CENPC: variants seen among roughly 807,000 people sequenced by gnomAD.
CENPC encodes centromere protein C.
CENPC carries 63 observed loss-of-function variants against 112.1 expected under a neutral mutation model. The observed-to-expected ratio is 0.56, with a 90% CI of 0.46 to 0.69. The LOEUF (loss-of-function observed/expected upper bound fraction) is 0.69, where lower values mean the gene tolerates loss of function less well. Ranked by LOEUF, CENPC falls within the 30% of genes least tolerant of loss-of-function variation. The pLI, the probability that CENPC is intolerant of heterozygous loss-of-function variation, is 0.00. For synonymous variants in CENPC, 333 were observed against 367.6 expected (o/e 0.91, Z 1.08); for missense variants, 1,000 against 1,103.8 (o/e 0.91, Z 1.33).
intron 4 of CENPC, among the ~76,000 whole-genome samples, chr4:67,531,685 C>T (rs1387189477): frequency 1.3e-5 from 2 of 152,172 alleles, no homozygotes; most frequent in Non-Finnish European, 2.9e-5. Flanking sequence ...AATGTACACA[C>T]GTTACTGCAT....
intron 18 of CENPC, among the ~76,000 whole-genome samples, chr4:67,474,515 T>C (rs1420102504): frequency 2.0e-5 from 3 of 152,034 alleles, no homozygotes; most frequent in Non-Finnish European, 4.4e-5. Flanking sequence ...ACGGCTAACA[T>C]AGCAAAATCC....
In CENPC at chr4:67,506,998, G is replaced by A. The variant is rs896628425; in HGVS notation, c.1905-64C>T. The A allele has an allele frequency of 3.1e-5, 38 of 1,221,074 alleles. No homozygotes were observed. In the South Asian group the frequency reaches 4.1e-4, roughly 13 times the overall value. 75.6% of individuals were successfully genotyped at this position (1,221,074 alleles called of 1,614,324 possible). On this transcript the variant is annotated intron_variant, in intron 10 of 18. Transcript: ENST00000273853. ...CAAAATAAAATTTTCTTCCAGAAAC[G>A]ATACACAGGTGGGTACAAAGACAAT...
At chr4:67,497,901 CA>C (rs1172967966) in intron 12 of CENPC, among the ~76,000 whole-genome samples, 1 of 151,572 alleles carries the variant, frequency 6.6e-6, no homozygotes, top group Non-Finnish European at 1.5e-5. Context: ...AATCAGTGTA[CA>C]TATACCTTAA....
At chr4:67,507,176 T>C (rs1725759740) in intron 10 of CENPC, among the ~76,000 whole-genome samples, 1 of 151,974 alleles carries the variant, frequency 6.6e-6, no homozygotes, top group African/African-American at 2.4e-5. Context: ...CCAAGGAAGG[T>C]GGTGAAAGGG....
intron 15 of CENPC, chr4:67,492,655 T>C (rs1474692964): frequency 1.4e-6 from 1 of 739,014 alleles, no homozygotes. Context: ...AATTTACTCA[T>C]GAAGAAATTT....
At chr4:67,485,010 G>A (rs947747298) in intron 17 of CENPC, among the ~76,000 whole-genome samples, 6 of 152,160 alleles carry the variant, frequency 3.9e-5, no homozygotes, top group Admixed American at 2.0e-4. Flanking sequence ...GGAGAATGGC[G>A]TGAACCTGGG....
intron 3 of CENPC, 142 bp from the exon 4 acceptor site, chr4:67,540,076 A>T (rs903026376): frequency 2.1e-6 from 1 of 483,390 alleles, no homozygotes; most frequent in Non-Finnish European, 3.6e-6. Context: ...TAGAGACCTC[A>T]ATTTAATATT....
Position 67,519,423 on chromosome 4 carries a change from T to C in CENPC, c.411A>G (p.Ser137=), listed in dbSNP as rs764515380. ...SKNTPDSKKI[S]SRNINDHHSE... The stretch of plus-strand genomic sequence containing the variant: ...TGTGATGATCATTTATGTTTCTACT[T>C]GATATTTTTTTCGAGTCAGGTGTAT... Residue 137 remains serine, a synonymous_variant, in exon 6 of 19, where the codon TCA becomes TCG. Transcript: ENST00000273853. 5 of 1,611,416 alleles carry C rather than the reference T, an allele frequency of 3.1e-6. No homozygotes were observed. The African/African-American group carries it at 5.3e-5, about 17-fold the overall frequency.
chr4:67,473,328 T>C (rs1030675354), intron 18 of CENPC, among the ~76,000 whole-genome samples: 18 of 152,216 alleles, frequency 1.2e-4, no homozygotes, highest in Admixed American at 8.5e-4. Context: ...AAGTATCACA[T>C]GTGACAGGCT....
At chr4:67,539,440 AAACT>A (rs1003220238) in intron 4 of CENPC, among the ~76,000 whole-genome samples, 4 of 152,298 alleles carry the variant, frequency 2.6e-5, no homozygotes, top group Admixed American at 6.5e-5. Flanking sequence ...ATTTCTGATC[AAACT>A]AACAGCAATT....
chr4:67,485,916 C>T (rs1383366997), intron 17 of CENPC, among the ~76,000 whole-genome samples: 1 of 152,084 alleles, frequency 6.6e-6, no homozygotes, highest in Admixed American at 6.6e-5. Context: ...AGTTTGAACT[C>T]AGGCATTTAG....
Position 67,493,956 on chromosome 4 carries a change from T to C in CENPC, c.2218A>G (p.Thr740Ala). ...AAAGGTTTCAAACGTGTTCTCTTGGTCCTGCGAACATTTGGTGTGTTGGAG... is the reference window on the plus strand; with the variant it reads ...AAAGGTTTCAAACGTGTTCTCTTGGCCCTGCGAACATTTGGTGTGTTGGAG... ...LPSNTPNVRR[T>A]KRTRLKPLEY... The change falls in exon 14 of 19, where the codon ACC (threonine) becomes GCC (alanine). Residue 740 changes from threonine to alanine, a missense_variant. Physicochemically the swap from Thr to Ala is moderately conservative, Grantham distance 58. Coordinates refer to ENST00000273853, the MANE Select transcript of CENPC (RefSeq NM_001812.4). 1 of 1,612,450 alleles carries C rather than the reference T, an allele frequency of 6.2e-7. No homozygotes were observed. Among genetic ancestry groups the C allele is most frequent in the African/African-American group, 1.3e-5 (1 of 75,034 alleles).
Position 67,539,851 on chromosome 4 carries a change from G to C in CENPC, c.220C>G (p.Pro74Ala), listed in dbSNP as rs60820404. The change falls in exon 4 of 19, where the codon CCA becomes GCA. Residue 74 changes from proline (P) to alanine (A), a missense_variant. Physicochemically the swap from Pro to Ala is conservative, Grantham distance 27 (BLOSUM62 -1). Coordinates refer to ENST00000273853, the MANE Select transcript of CENPC (RefSeq NM_001812.4). ...TCTTTATCACTTACCTCTTTGCTTG[G>C]TGACTGAATACAAGTGTCTTTTATT... ...RKIKDTCIQS[P>A]SKECQKSHPK... is the part of the protein sequence containing the mutation. 2,216 of 1,519,754 alleles carry C rather than the reference G, an allele frequency of 1.5e-3. 29 individuals are homozygous for C. The African/African-American group carries it at 0.025, about 17-fold the overall frequency. The allele number at this position is 1,519,754 out of a possible 1,614,324, so 94.1% of individuals were successfully genotyped here. A position where few individuals can be genotyped will look rare whatever the true frequency, so the allele number is the denominator to read the frequency against.
At chr4:67,496,875 AC>A (rs1179543510) in intron 12 of CENPC, among the ~76,000 whole-genome samples, 1 of 102,300 alleles carries the variant, frequency 9.8e-6, no homozygotes, top group Non-Finnish European at 2.1e-5. Context: ...AAATCTGTGT[AC>A]CCCCCACCCC....
At chr4:67,539,570 C>T (rs910405417) in intron 4 of CENPC, among the ~76,000 whole-genome samples, 1 of 152,058 alleles carries the variant, frequency 6.6e-6, no homozygotes, top group Admixed American at 6.6e-5. Flanking sequence ...TGCCCATTTT[C>T]CTAAAAACCT....
intron 5 of CENPC, among the ~76,000 whole-genome samples, chr4:67,526,311 T>G (rs1443065541): frequency 6.6e-6 from 1 of 151,634 alleles, no homozygotes; most frequent in Non-Finnish European, 1.5e-5. Context: ...GTTCAGCACA[T>G]GTATCCCAGA....
intron 4 of CENPC, among the ~76,000 whole-genome samples, chr4:67,534,225 G>C (rs1382515955): frequency 6.6e-6 from 1 of 152,192 alleles, no homozygotes; most frequent in Non-Finnish European, 1.5e-5. Context: ...AGACCAGCCT[G>C]ATCAATATGG....
chr4:67,543,100 T>C (rs1560447200), intron 2 of CENPC, among the ~76,000 whole-genome samples: 2 of 152,198 alleles, frequency 1.3e-5, no homozygotes, highest in African/African-American at 4.8e-5. Context: ...TGTGTGTGTT[T>C]ATATCAGATA....
rs148830849 is a variant in CENPC at position 67,535,623 on chromosome 4, A to T, written c.231+4217T>A. On this transcript the variant is annotated intron_variant, in intron 4 of 18. Transcript: ENST00000273853. ...AGAGAAAATTAAGAACTGTACATAA[A>T]GAAAATTTAACCATTAGTACTCTAC... Among the ~76,000 whole-genome samples the T allele has an allele frequency of 3.3e-5, 5 of 152,304 alleles. No individual in the cohort carries two copies. The East Asian group carries it at 9.6e-4, about 29-fold the overall frequency.
Sources: gnomAD v4.1 joint callset for allele counts (sites outside exome capture counted in the v4.1 genomes callset) on GRCh38, gnomAD v4.1.1 for gene constraint, MANE v1.5 for transcripts, NCBI Gene and HGNC (gene_info 2026-07-23, HGNC 2026-07-21) for gene names.